FAM3D: variants seen among roughly 807,000 people sequenced by gnomAD.
FAM3D encodes the protein FAM3 metabolism regulating signaling molecule D, also known as protein FAM3D.
In FAM3D, 26 loss-of-function variants were observed where a neutral mutation model predicts 29.8. The observed-to-expected ratio is 0.87, with a 90% confidence interval of 0.64 to 1.21. The LOEUF is 1.21. Ranked by LOEUF, FAM3D falls within the 50% of genes most tolerant of loss-of-function variation. The pLI is 0.00. For missense variants in FAM3D, 253 were observed against 290.9 expected (o/e 0.87, Z 0.95); for synonymous variants, 115 against 102.3 (o/e 1.12, Z -0.75).
intron 1 of FAM3D, among the ~76,000 whole-genome samples, chr3:58,664,112 C>T (rs1248665010): frequency 1.6e-5 from 2 of 123,558 alleles, no homozygotes; most frequent in Admixed American, 8.3e-5. Flanking sequence ...ATAGCCTTGC[C>T]ACCTTGGGCA....
At chr3:58,645,735 A>G in intron 4 of FAM3D, 109 bp from the exon 5 acceptor site, 1 of 924,076 alleles carries the variant, frequency 1.1e-6, no homozygotes, top group East Asian at 2.4e-5. Context: ...GATGAAGCTC[A>G]GAGCCTCTTT....
intron 1 of FAM3D, among the ~76,000 whole-genome samples, chr3:58,657,173 G>C (rs1221158060): frequency 6.6e-6 from 1 of 152,160 alleles, no homozygotes; most frequent in Non-Finnish European, 1.5e-5. Context: ...TAGGTTCTTG[G>C]ATGAGACTCA....
intron 1 of FAM3D, among the ~76,000 whole-genome samples, chr3:58,655,971 ATCCATCCT>A (rs1296590513): frequency 6.6e-6 from 1 of 152,068 alleles, no homozygotes; most frequent in Non-Finnish European, 1.5e-5. Context: ...CAGTTGATTA[ATCCATCCT>A]TCCATCCATC....
chr3:58,664,489 C>T (rs1248883897), intron 1 of FAM3D, among the ~76,000 whole-genome samples: 2 of 152,208 alleles, frequency 1.3e-5, no homozygotes, highest in Non-Finnish European at 2.9e-5. Flanking sequence ...ACAGCACTGT[C>T]CTATATTGTG....
intron 6 of FAM3D, among the ~76,000 whole-genome samples, chr3:58,641,629 A>G (rs1279228370): frequency 1.3e-5 from 2 of 152,132 alleles, no homozygotes; most frequent in African/African-American, 4.8e-5. Flanking sequence ...CAGCCTCTCA[A>G]AGTGCTGGGA....
chr3:58,641,548 C>T (rs558832749), intron 6 of FAM3D, among the ~76,000 whole-genome samples: 6 of 151,868 alleles, frequency 4.0e-5, no homozygotes, highest in Non-Finnish European at 5.9e-5. Context: ...AGAGACGGGG[C>T]GGATTCGGGG....
intron 4 of FAM3D, 150 bp downstream of exon 4, chr3:58,649,165 G>A (rs1308281594): frequency 1.5e-5 from 14 of 959,594 alleles, no homozygotes; most frequent in Admixed American, 2.8e-5. Flanking sequence ...GCCATGGGAG[G>A]AGAGGACTGG....
In FAM3D at chr3:58,636,359, C is replaced by T. The variant is rs371550889; in HGVS notation, c.520G>A (p.Gly174Ser). The T allele has an allele frequency of 3.1e-6, 5 of 1,614,166 alleles. No individual in the cohort carries two copies. Among genetic ancestry groups the T allele is most frequent in the Admixed American group, 1.7e-5 (1 of 60,032 alleles). The change falls in exon 9 of 10, where the codon GGC becomes AGC. Residue 174 changes from glycine (G) to serine (S), a missense_variant. Gly to Ser is a moderately conservative substitution (Grantham distance 56). Transcript: ENST00000358781. ...ATGAAGACCCAGCTGTCCCGGAAGC[C>T]CAGTTGTTTTGCGTAGGAACTCCCC... ...DLGSSYAKQL[G>S]FRDSWVFIGA...
chr3:58,666,406 AGT>A (rs2067032392), intron 1 of FAM3D, among the ~76,000 whole-genome samples, 168 bp downstream of exon 1: 1 of 152,058 alleles, frequency 6.6e-6, no homozygotes, highest in Non-Finnish European at 1.5e-5. Flanking sequence ...TGCCTTCCTG[AGT>A]CTGATCTCAG....
At chr3:58,652,161 G>A (rs1234752673) in intron 3 of FAM3D, among the ~76,000 whole-genome samples, 2 of 152,270 alleles carry the variant, frequency 1.3e-5, no homozygotes, top group African/African-American at 2.4e-5. Flanking sequence ...CTGGGTTCCC[G>A]TTCTTGTTCT....
chr3:58,644,367 T>G (rs574700229), intron 5 of FAM3D, among the ~76,000 whole-genome samples: 1 of 152,304 alleles, frequency 6.6e-6, no homozygotes, highest in African/African-American at 2.4e-5. Flanking sequence ...GTTCTCATGA[T>G]AGTGAGTAAA....
intron 6 of FAM3D, among the ~76,000 whole-genome samples, chr3:58,640,389 C>G (rs983388616): frequency 2.0e-5 from 3 of 152,206 alleles, no homozygotes; most frequent in Non-Finnish European, 4.4e-5. Flanking sequence ...CTGAGGACAT[C>G]TCTGGAATCG....
chr3:58,636,457 G>C (rs748399290), intron 8 of FAM3D, 37 bp from the exon 9 acceptor site: 2 of 1,610,190 alleles, frequency 1.2e-6, no homozygotes, highest in South Asian at 2.2e-5. Context: ...GGATGCGGGG[G>C]TGGGTCGCAG....
intron 3 of FAM3D, among the ~76,000 whole-genome samples, chr3:58,651,884 C>G (rs190525013): frequency 8.0e-4 from 122 of 152,290 alleles, no homozygotes; most frequent in African/African-American, 2.9e-3. Context: ...ATATAAACTT[C>G]TAAATCATCT....
At chr3:58,641,944 G>T (rs1460631209) in intron 6 of FAM3D, among the ~76,000 whole-genome samples, 1 of 152,228 alleles carries the variant, frequency 6.6e-6, no homozygotes. Flanking sequence ...AGCCAGGTCA[G>T]CTGCAGCCTG....
intron 1 of FAM3D, among the ~76,000 whole-genome samples, chr3:58,665,520 G>C (rs1420913771): frequency 6.6e-6 from 1 of 152,170 alleles, no homozygotes; most frequent in African/African-American, 2.4e-5. Context: ...TTAGAACCAT[G>C]TATGATACCT....
chr3:58,635,635 C>T lies in FAM3D; in HGVS notation c.585+659G>A, dbSNP rs750582030. ...CCACAGGACATTCGGGAACCACACC[C>T]GGCCGCCCCCGCCCACCGGCCTCCT... On this transcript the variant is annotated intron_variant, in intron 9 of 9. Transcript: ENST00000358781. This position sits in a 1 kb window ranked among gnomAD's most constrained non-coding sequence, Gnocchi z 5.2. Among the ~76,000 whole-genome samples, 4 of 152,186 alleles carry T rather than the reference C, an allele frequency of 2.6e-5. No individual in the cohort carries two copies. Among genetic ancestry groups the T allele is most frequent in the East Asian group, 1.9e-4 (1 of 5,202 alleles).
At chr3:58,663,127 G>A (rs1014544776) in intron 1 of FAM3D, among the ~76,000 whole-genome samples, 2 of 152,212 alleles carry the variant, frequency 1.3e-5, no homozygotes, top group East Asian at 1.9e-4. Context: ...TCAAACTCCT[G>A]ACCTCAAGTG....
chr3:58,647,024 T>TGAGTAGGTAAAGGTGCCCCTTC (rs1199753865), intron 4 of FAM3D, among the ~76,000 whole-genome samples: 1 of 152,014 alleles, frequency 6.6e-6, no homozygotes, highest in Non-Finnish European at 1.5e-5. Flanking sequence ...TGAGCACCTT[T>TGAGTAGGTAAAGGTGCCCCTTC]GAGTAGGTAA....
Sources: allele counts gnomAD v4.1 joint callset (sites outside exome capture counted in the v4.1 genomes callset), GRCh38; gene constraint gnomAD v4.1.1; non-coding constraint Gnocchi (gnomAD v3.1); transcripts MANE v1.5; gene names NCBI Gene and HGNC (gene_info 2026-07-23, HGNC 2026-07-21).